Variants in CUL3 observed in about 807,000 individuals in gnomAD.
The protein encoded by CUL3 is cullin-3.
In CUL3, 19 loss-of-function variants were observed where a neutral mutation model predicts 89.1. The ratio of observed to expected loss-of-function variants is 0.21; its 90% CI spans 0.15 to 0.31. The LOEUF (loss-of-function observed/expected upper bound fraction) is 0.31. Among genes scored for constraint, CUL3 ranks in the 10% least tolerant of loss-of-function variants. The pLI is 1.00. For synonymous variants in CUL3, 351 were observed against 308.4 expected (o/e 1.14, Z -1.45); for missense variants, 469 against 942.3 (o/e 0.50, Z 6.58).
In CUL3 at chr2:224,500,605, A is replaced by T. The variant is rs927810815; in HGVS notation, c.1486-118T>A. 2.7e-5 allele frequency: 24 copies of T among 898,048 alleles called. No homozygotes were observed. In the East Asian group the frequency reaches 2.7e-4, roughly 10 times the overall value. 55.6% of individuals were successfully genotyped at this position (898,048 alleles called of 1,614,324 possible). On this transcript the variant is annotated intron_variant, in intron 10 of 15. Coordinates refer to ENST00000264414, the MANE Select transcript of CUL3 (RefSeq NM_003590.5). ...TAGCTCCATGTCTAATATCTAATTT[A>T]AAAAAAAGCAGATTTTCTTTTCTTT...
chr2:224,529,184 A>G (rs1559178610), intron 3 of CUL3, among the ~76,000 whole-genome samples: 1 of 152,214 alleles, frequency 6.6e-6, no homozygotes, highest in Non-Finnish European at 1.5e-5. Context: ...AGGCTGTAAT[A>G]TAACGTATAT....
At chr2:224,548,742 G>A (rs990748331) in intron 2 of CUL3, among the ~76,000 whole-genome samples, 3 of 152,164 alleles carry the variant, frequency 2.0e-5, no homozygotes, top group African/African-American at 4.8e-5. Context: ...AATGGCTCAC[G>A]CCTGTAGTCC....
intron 3 of CUL3, among the ~76,000 whole-genome samples, chr2:224,527,407 T>C (rs1276717356): frequency 6.6e-6 from 1 of 152,064 alleles, no homozygotes; most frequent in Non-Finnish European, 1.5e-5. Context: ...TCTTCTGGCC[T>C]CCAAAAAGGC....
intron 3 of CUL3, among the ~76,000 whole-genome samples, chr2:224,518,614 C>A (rs1422478452): frequency 1.3e-5 from 2 of 152,154 alleles, no homozygotes; most frequent in Non-Finnish European, 2.9e-5. Flanking sequence ...GTTAGGAATT[C>A]TTTATATGAT....
At chr2:224,515,882 C>T (rs1292875913) in intron 3 of CUL3, among the ~76,000 whole-genome samples, 4 of 151,904 alleles carry the variant, frequency 2.6e-5, no homozygotes, top group Non-Finnish European at 4.4e-5. Context: ...TTTGTGGAGA[C>T]GGGGTTTCAT....
chr2:224,537,295 G>A (rs958368523), intron 2 of CUL3, among the ~76,000 whole-genome samples: 2 of 152,104 alleles, frequency 1.3e-5, no homozygotes, highest in Non-Finnish European at 2.9e-5. Flanking sequence ...TGGGGAAAAC[G>A]AGGTTATTAG....
At chr2:224,477,602 G>C (rs768752485) in intron 15 of CUL3, among the ~76,000 whole-genome samples, 3 of 152,138 alleles carry the variant, frequency 2.0e-5, no homozygotes, top group Non-Finnish European at 2.9e-5. Context: ...GGACCACAGC[G>C]GCACATTACA....
At chr2:224,580,295 G>T (rs893404251) in intron 1 of CUL3, among the ~76,000 whole-genome samples, 11 of 152,288 alleles carry the variant, frequency 7.2e-5, no homozygotes, top group African/African-American at 1.9e-4. Context: ...ATCTTAAAAA[G>T]AACTTCTAGG....
intron 2 of CUL3, among the ~76,000 whole-genome samples, chr2:224,541,371 T>C (rs1694097921): frequency 6.6e-6 from 1 of 152,144 alleles, no homozygotes; most frequent in South Asian, 2.1e-4. Flanking sequence ...AGGGAAAAGC[T>C]AATTAAAACC....
Position 224,584,970 on chromosome 2 carries a change from T to C in CUL3, c.40A>G (p.Thr14Ala), listed in dbSNP as rs1449014217. ...GGAAAGGCCCGGATCCGCATCTTGG[T>C]GTCCTTCCGGCTGCCCGTGCCTTTG... is the stretch of plus-strand genomic sequence containing the variant. ...LSKGTGSRKD[T>A]KMRIRAFPMT... is the part of the protein sequence containing the mutation. Residue 14 changes from threonine to alanine, a missense_variant, in exon 1 of 16, where the codon ACC becomes GCC. Around this residue, in one of 4 missense-constraint regions of CUL3, gnomAD observed 32 missense variants for 29.7 expected, o/e 1.08. Coordinates refer to ENST00000264414, the MANE Select transcript of CUL3 (RefSeq NM_003590.5). 2.0e-6 allele frequency: 3 copies of C among 1,506,780 alleles called. No homozygotes were observed. The highest frequency in any genetic ancestry group is 1.8e-6 in the Non-Finnish European group (2 of 1,116,518). The allele number at this position is 1,506,780 out of a possible 1,614,324, so 93.3% of individuals were successfully genotyped here. A position where few individuals can be genotyped will look rare whatever the true frequency, so the allele number is the denominator to read the frequency against.
intron 13 of CUL3, among the ~76,000 whole-genome samples, chr2:224,491,318 T>TG (rs769531712): frequency 5.3e-5 from 8 of 152,206 alleles, no homozygotes; most frequent in Non-Finnish European, 8.8e-5. Context: ...ATAAGTACCC[T>TG]GTCTACACAG....
Position 224,585,255 on chromosome 2 carries a change from G to C in CUL3, c.-246C>G, listed in dbSNP as rs928887003. On this transcript the variant is annotated 5_prime_UTR_variant, in exon 1 of 16. Transcript: ENST00000264414. Reference sequence around the variant, plus strand: ...GGGGCTGCGCTGGCGCGGCGGCTCCGCGGGGTCCCCCTCACGTCCGGCTCG... The same window carrying C: ...GGGGCTGCGCTGGCGCGGCGGCTCCCCGGGGTCCCCCTCACGTCCGGCTCG... 2.8e-4 allele frequency: 109 copies of C among 394,152 alleles called. No homozygotes were observed. Among genetic ancestry groups the C allele is most frequent in the African/African-American group, 2.1e-3 (101 of 48,170 alleles). The allele number at this position is 394,152 out of a possible 1,614,324, so 24.4% of individuals were successfully genotyped here.
chr2:224,579,429 T>C lies in CUL3; in HGVS notation c.66+5515A>G, dbSNP rs1695384592. Among the ~76,000 whole-genome samples the C allele has an allele frequency of 2.6e-5, 4 of 151,516 alleles. No homozygotes were observed. The South Asian group carries it at 8.3e-4, about 32-fold the overall frequency. ...TTCCCTAAGAAAGAGAAACCTACTA[T>C]GAAGATGAAAGCTGTTCCCTCAAAT... On this transcript the variant is annotated intron_variant, in intron 1 of 15. Transcript: ENST00000264414.
chr2:224,476,355 A>G (rs920391905), intron 15 of CUL3, among the ~76,000 whole-genome samples: 14 of 152,186 alleles, frequency 9.2e-5, no homozygotes, highest in African/African-American at 2.7e-4. Context: ...TCATGCTACA[A>G]TTGGCCATTT....
rs1691553615 is a variant in CUL3 at position 224,482,001 on chromosome 2, T to C, written c.1920A>G (p.Thr640=). Reference sequence around the variant, plus strand: ...TGGGTTCTTTTGTAAGAACCCGCTGTGTTGGTTTACCACAGGCGAGGGACT... The same window carrying C: ...TGGGTTCTTTTGTAAGAACCCGCTGCGTTGGTTTACCACAGGCGAGGGACT... The part of the protein sequence containing the change: ...ALQSLACGKP[T]QRVLTKEPKS... The change falls in exon 14 of 16, where the codon ACA becomes ACG. Residue 640 remains threonine (T), a synonymous_variant. Transcript: ENST00000264414. 1 of 1,609,174 alleles carries C rather than the reference T, an allele frequency of 6.2e-7. No individual in the cohort carries two copies. Among genetic ancestry groups the C allele is most frequent in the African/African-American group, 1.3e-5 (1 of 74,804 alleles).
At chr2:224,534,510 G>C (rs1343324248) in intron 3 of CUL3, among the ~76,000 whole-genome samples, 1 of 152,148 alleles carries the variant, frequency 6.6e-6, no homozygotes, top group African/African-American at 2.4e-5. Context: ...TTAAAAACTT[G>C]TAAGAGAATA....
At chr2:224,496,037 G>A (rs1222574421) in intron 12 of CUL3, 71 bp from the exon 13 acceptor site, 45 of 1,444,810 alleles carry the variant, frequency 3.1e-5, no homozygotes, top group Middle Eastern at 1.8e-4. Flanking sequence ...ATGTATGTAC[G>A]TACATATGTA....
intron 2 of CUL3, among the ~76,000 whole-genome samples, chr2:224,538,283 T>C (rs1693967069): frequency 6.6e-6 from 1 of 152,176 alleles, no homozygotes; most frequent in Admixed American, 6.5e-5. Context: ...GAAAATTAGT[T>C]GAAAGTGAAC....
chr2:224,556,740 A>C (rs960433390), intron 2 of CUL3, among the ~76,000 whole-genome samples: 16 of 152,172 alleles, frequency 1.1e-4, no homozygotes, highest in African/African-American at 3.9e-4. Context: ...TTTATTCTTA[A>C]AAGAAATGTT....
Sources: gnomAD v4.1 joint callset for allele counts (sites outside exome capture counted in the v4.1 genomes callset) on GRCh38, gnomAD v4.1.1 for gene constraint, gnomAD v4.1.1 regional missense constraint, MANE v1.5 for transcripts, NCBI Gene and HGNC (gene_info 2026-07-23, HGNC 2026-07-21) for gene names.